TNPO3: variants seen among roughly 807,000 people sequenced by gnomAD.
TNPO3 encodes the protein transportin 3, also known as transportin-3.
A neutral mutation model predicts 122.8 loss-of-function variants in TNPO3; 65 were observed. That is an observed-to-expected ratio of 0.53 (90% CI 0.43 to 0.65). The LOEUF is 0.65. Among genes scored for constraint, TNPO3 ranks in the 30% least tolerant of loss-of-function variants. The pLI, the probability that TNPO3 is intolerant of heterozygous loss-of-function variation, is 0.00. For synonymous variants in TNPO3, 372 were observed against 411.2 expected (o/e 0.90, Z 1.15); for missense variants, 850 against 1,136.7 (o/e 0.75, Z 3.63).
chr7:128,959,439 G>T (rs368222007), intron 21 of TNPO3, among the ~76,000 whole-genome samples: 1 of 152,188 alleles, frequency 6.6e-6, no homozygotes, highest in South Asian at 2.1e-4. Flanking sequence ...TCAAGCTATC[G>T]TCCTGCCTCA....
At position 128,990,119 on chromosome 7, in the gene TNPO3, T is replaced by C. The variant is rs778466861; in HGVS notation, c.1359-19A>G. Reference sequence around the variant, plus strand: ...GTTTTCCCTGAGTACAGGCGGTAAGTACTCACAGTTACTGATTTCAGAGGT... The same window carrying C: ...GTTTTCCCTGAGTACAGGCGGTAAGCACTCACAGTTACTGATTTCAGAGGT... On this transcript the variant is annotated intron_variant, in intron 10 of 22. Transcript: ENST00000265388. 11 of 1,614,186 alleles carry C rather than the reference T, an allele frequency of 6.8e-6. 1 individual carries two copies. In the South Asian group the frequency reaches 1.2e-4, roughly 18 times the overall value.
rs552059964 is a variant in TNPO3 at position 129,032,679 on chromosome 7, C to A, written c.121-14522G>T. 5.3e-5 allele frequency among the ~76,000 whole-genome samples: 8 copies of A among 152,180 alleles called. No individual in the cohort carries two copies. In the East Asian group the frequency reaches 1.5e-3, roughly 29 times the overall value. On this transcript the variant is annotated intron_variant, in intron 1 of 22. Coordinates refer to ENST00000265388, the MANE Select transcript of TNPO3 (RefSeq NM_012470.4). ...CAAAAGACTTGTATACTGAAAATTA[C>A]AAAACATTGCTGAAAGAAATTAAAG...
intron 1 of TNPO3, among the ~76,000 whole-genome samples, chr7:129,026,186 T>C (rs911735636): frequency 1.3e-5 from 2 of 151,426 alleles, no homozygotes; most frequent in Non-Finnish European, 2.9e-5. Flanking sequence ...AACCATATCA[T>C]TCTCAATTAT....
At chr7:129,030,354 G>C (rs1279516190) in intron 1 of TNPO3, 2 of 219,232 alleles carry the variant, frequency 9.1e-6, no homozygotes, top group African/African-American at 4.7e-5. Flanking sequence ...ATGGATTCCA[G>C]AGGCCAACAA....
chr7:128,980,612 C>T (rs758495977), intron 14 of TNPO3, among the ~76,000 whole-genome samples: 2 of 152,016 alleles, frequency 1.3e-5, no homozygotes, highest in East Asian at 1.9e-4. Flanking sequence ...ATCACTTGAA[C>T]GTGGGAGGCA....
In TNPO3 at chr7:128,975,820, T is replaced by C. The variant is rs1357424657; in HGVS notation, c.2177A>G (p.Gln726Arg). The change falls in exon 17 of 23, where the codon CAG (glutamine) becomes CGG (arginine). Residue 726 changes from glutamine (Q) to arginine (R), a missense_variant and splice_region_variant. Coordinates refer to ENST00000265388, the MANE Select transcript of TNPO3 (RefSeq NM_012470.4). ...CTACACTCCTCATGGAAAAGATACCTGGAGCATGTCTAGCAGTCCCTGCCG... is the reference window on the plus strand; with the variant it reads ...CTACACTCCTCATGGAAAAGATACCCGGAGCATGTCTAGCAGTCCCTGCCG... ...GCRQGLLDMLQALCIPTFQLL... is the reference protein window; with the variant it reads ...GCRQGLLDMLRALCIPTFQLL... The C allele has an allele frequency of 1.2e-6, 2 of 1,605,524 alleles. No homozygotes were observed. The highest frequency in any genetic ancestry group is 1.7e-6 in the Non-Finnish European group (2 of 1,172,144).
Position 129,010,856 on chromosome 7 carries a change from A to C in TNPO3, c.552+4123T>G, listed in dbSNP as rs191289273. Among the ~76,000 whole-genome samples the C allele has an allele frequency of 3.5e-3, 535 of 152,144 alleles. 5 individuals carry two copies. Among genetic ancestry groups the C allele is most frequent in the African/African-American group, 0.012 (510 of 41,528 alleles). ...TGTGGTGGTTCACGTTTGTAATCTC[A>C]TCATTAAGGGAGGCCAAGGAGAGAG... is the stretch of plus-strand genomic sequence containing the variant. On this transcript the variant is annotated intron_variant, in intron 4 of 22. Transcript: ENST00000265388.
chr7:129,055,080 A>AGGCC lies in TNPO3; in HGVS notation c.-314_-311dup, dbSNP rs972972138. The stretch of plus-strand genomic sequence containing the variant: ...CTTGCCCTCAGAAGCCTATCTTGGG[A>AGGCC]GGCCACACACCAGTGTACCTAAGGT... On this transcript the variant is annotated 5_prime_UTR_variant, in exon 1 of 23. Transcript: ENST00000265388. 88 of 368,464 alleles carry AGGCC rather than the reference A, an allele frequency of 2.4e-4. No individual in the cohort carries two copies. The highest frequency in any genetic ancestry group is 2.6e-4 in the Admixed American group (7 of 26,662). 22.8% of individuals were successfully genotyped at this position (368,464 alleles called of 1,614,324 possible). A position where few individuals can be genotyped will look rare whatever the true frequency, so the allele number is the denominator to read the frequency against.
chr7:128,968,628 T>C (rs988262393), intron 20 of TNPO3, among the ~76,000 whole-genome samples: 23 of 152,210 alleles, frequency 1.5e-4, no homozygotes, highest in Admixed American at 1.4e-3. Context: ...GTATTATAAA[T>C]GCTCATGAAG....
chr7:128,958,196 T>G (rs1207582964), intron 21 of TNPO3, among the ~76,000 whole-genome samples: 1 of 134,000 alleles, frequency 7.5e-6, no homozygotes, highest in Admixed American at 8.6e-5. Flanking sequence ...CAGGCTGGAG[T>G]GCAATGGCAC....
Position 128,967,366 on chromosome 7 carries a change from G to A in TNPO3, c.2625C>T (p.Ser875=), listed in dbSNP as rs201210726. 165 of 1,613,808 alleles carry A rather than the reference G, an allele frequency of 1.0e-4. No homozygotes were observed. The highest frequency in any genetic ancestry group is 7.7e-4 in the Admixed American group (46 of 60,022). ...TTGTTTCCTTTGGCAAACCTTTTAA[G>A]GAATTTTCTAACCATCGACAAAAAG... ...RPTFCRWLEN[S]LKGLPKETTV... Residue 875 remains serine (S), a synonymous_variant, in exon 21 of 23, where the codon TCC becomes TCT. Coordinates refer to ENST00000265388, the MANE Select transcript of TNPO3 (RefSeq NM_012470.4).
chr7:129,011,804 T>C (rs1803230099), intron 4 of TNPO3, among the ~76,000 whole-genome samples: 1 of 152,202 alleles, frequency 6.6e-6, no homozygotes, highest in South Asian at 2.1e-4. Flanking sequence ...AAAATCTGTA[T>C]ATATATCCAT....
intron 8 of TNPO3, among the ~76,000 whole-genome samples, chr7:128,996,171 G>A (rs1302442240): frequency 1.3e-5 from 2 of 152,106 alleles, no homozygotes; most frequent in African/African-American, 2.4e-5. Flanking sequence ...ACTTACTGCA[G>A]GTCCTAGATT....
intron 11 of TNPO3, 81 bp from the exon 12 acceptor site, chr7:128,987,001 C>A: frequency 7.1e-7 from 1 of 1,415,264 alleles, no homozygotes; most frequent in Middle Eastern, 2.6e-4. Flanking sequence ...GGTATACTTG[C>A]TTTTCTTTTT....
intron 21 of TNPO3, among the ~76,000 whole-genome samples, chr7:128,964,752 C>A (rs903415689): frequency 6.6e-6 from 1 of 152,028 alleles, no homozygotes; most frequent in African/African-American, 2.4e-5. Context: ...CATCATAGAC[C>A]AATGGAATAG....
intron 1 of TNPO3, among the ~76,000 whole-genome samples, chr7:129,052,281 A>T (rs1332881388): frequency 6.6e-6 from 1 of 152,194 alleles, no homozygotes; most frequent in Non-Finnish European, 1.5e-5. Flanking sequence ...CTCCAGCTTC[A>T]TTCTCTCAAG....
intron 1 of TNPO3, among the ~76,000 whole-genome samples, chr7:129,019,988 T>TA (rs1804280999): frequency 6.6e-6 from 1 of 151,632 alleles, no homozygotes; most frequent in African/African-American, 2.4e-5. Flanking sequence ...AGTGAGACCC[T>TA]AAAAAAACTT....
chr7:128,955,273 T>C lies in TNPO3; in HGVS notation c.*144A>G. The C allele has an allele frequency of 2.2e-6, 1 of 454,534 alleles. No individual in the cohort carries two copies. The highest frequency in any genetic ancestry group is 4.4e-6 in the Non-Finnish European group (1 of 226,742). The allele number at this position is 454,534 out of a possible 1,614,324, so 28.2% of individuals were successfully genotyped here. ...CAGAAGGCTGGAGTCTCTCCCTGTCTGGCGGGACACCCTGGTGGCGGTGAA... is the reference window on the plus strand; with the variant it reads ...CAGAAGGCTGGAGTCTCTCCCTGTCCGGCGGGACACCCTGGTGGCGGTGAA... On this transcript the variant is annotated 3_prime_UTR_variant, in exon 23 of 23. Coordinates refer to ENST00000265388, the MANE Select transcript of TNPO3 (RefSeq NM_012470.4).
intron 1 of TNPO3, among the ~76,000 whole-genome samples, chr7:129,044,471 A>C (rs976870725): frequency 6.6e-6 from 1 of 152,236 alleles, no homozygotes; most frequent in Middle Eastern, 3.2e-3. Context: ...CACCAAAAGG[A>C]AAAATACTTG....
Sources: gnomAD v4.1 joint callset for allele counts (sites outside exome capture counted in the v4.1 genomes callset) on GRCh38, gnomAD v4.1.1 for gene constraint, MANE v1.5 for transcripts, NCBI Gene and HGNC (gene_info 2026-07-23, HGNC 2026-07-21) for gene names.